Variants in KCNG4 observed in about 807,000 individuals in gnomAD.
The protein encoded by KCNG4 is potassium voltage-gated channel modifier subfamily G member 4, also known as voltage-gated potassium channel regulatory subunit KCNG4.
A neutral mutation model predicts 28.2 loss-of-function variants in KCNG4; 30 were observed. That is an observed-to-expected ratio of 1.06 (90% confidence interval 0.80 to 1.44). The LOEUF is 1.44. KCNG4 is among the 40% of genes most tolerant of loss of function. The probability of loss-of-function intolerance (pLI) is 0.00; values close to 1 mark genes in which losing one functional copy is unlikely to be tolerated. For synonymous variants in KCNG4, 375 were observed against 315.5 expected (o/e 1.19, Z -2.00); for missense variants, 879 against 712.3 (o/e 1.23, Z -2.66).
Position 84,237,203 on chromosome 16 carries a change from C to G in KCNG4, c.283G>C (p.Glu95Gln), listed in dbSNP as rs546709962. 24 of 1,614,146 alleles carry G rather than the reference C, an allele frequency of 1.5e-5. No individual in the cohort carries two copies. The African/African-American group carries it at 2.3e-4, about 15-fold the overall frequency. The change falls in exon 2 of 3, where the codon GAG becomes CAG. Residue 95 changes from glutamate to glutamine, a missense_variant. Coordinates refer to ENST00000308251, the MANE Select transcript of KCNG4 (RefSeq NM_172347.3). The part of the protein sequence containing the change: ...LSKLRLCRSY[E>Q]EIVQLCDDYD... ...TCATCGCAGAGCTGCACGATCTCCT[C>G]GTAGCTCCGACAGAGCCTGAGTTTG...
intron 2 of KCNG4, among the ~76,000 whole-genome samples, chr16:84,232,507 G>T (rs1473198976): frequency 4.6e-5 from 7 of 152,196 alleles, no homozygotes; most frequent in Admixed American, 4.6e-4. Flanking sequence ...CTAGACAGAG[G>T]TGATGGTGGC....
chr16:84,222,501 G>A lies in KCNG4; in HGVS notation c.1276C>T (p.Pro426Ser), dbSNP rs1904591602. The A allele has an allele frequency of 1.2e-6, 2 of 1,613,422 alleles. No individual in the cohort carries two copies. The highest frequency in any genetic ancestry group is 2.2e-5 in the South Asian group (2 of 91,060). ...ACCATCTGGCCTGGCACACTGCGGG[G>A]CACCATGTCCCCGTAGCCCACCGTT... The part of the protein sequence containing the change: ...MTTVGYGDMV[P>S]RSVPGQMVAL... Residue 426 changes from proline (P) to serine (S), a missense_variant, in exon 3 of 3, where the codon CCC becomes TCC. By Grantham distance (74) the Pro-to-Ser change is moderately conservative. Coordinates refer to ENST00000308251, the MANE Select transcript of KCNG4 (RefSeq NM_172347.3).
Position 84,222,323 on chromosome 16 carries a change from C to T in KCNG4, c.1454G>A (p.Ser485Asn). The change falls in exon 3 of 3, where the codon AGT becomes AAT. Residue 485 changes from serine (S) to asparagine (N), a missense_variant. Transcript: ENST00000308251. ...LRHLQNTGPASECELLDPHVA... is the reference protein window; with the variant it reads ...LRHLQNTGPANECELLDPHVA... ...ATGGGGGTCCAGGAGTTCACATTCA[C>T]TGGCTGGACCGGTGTTTTGGAGGTG... 1.9e-6 allele frequency: 3 copies of T among 1,614,154 alleles called. No homozygotes were observed. The highest frequency in any genetic ancestry group is 2.5e-6 in the Non-Finnish European group (3 of 1,180,016).
At chr16:84,227,929 G>A (rs1001354550) in intron 2 of KCNG4, among the ~76,000 whole-genome samples, 4 of 152,112 alleles carry the variant, frequency 2.6e-5, no homozygotes, top group Non-Finnish European at 5.9e-5. Context: ...GGAGGAGGAG[G>A]GTAGCAGTGA....
chr16:84,223,627 A>ATAACAT (rs1459772819), intron 2 of KCNG4, among the ~76,000 whole-genome samples: 2 of 152,196 alleles, frequency 1.3e-5, no homozygotes, highest in Non-Finnish European at 2.9e-5. Context: ...ATGAGCAGGC[A>ATAACAT]GTGTGACCCC....
chr16:84,227,230 G>A (rs1904718293), intron 2 of KCNG4, among the ~76,000 whole-genome samples: 1 of 152,198 alleles, frequency 6.6e-6, no homozygotes, highest in African/African-American at 2.4e-5. Context: ...CAACCCAGCT[G>A]TTCCACTCCT....
At chr16:84,235,214 C>T (rs1904918846) in intron 2 of KCNG4, among the ~76,000 whole-genome samples, 1 of 152,156 alleles carries the variant, frequency 6.6e-6, no homozygotes, top group Non-Finnish European at 1.5e-5. Context: ...GCCGTCTGCG[C>T]AACCGAAATC....
intron 2 of KCNG4, among the ~76,000 whole-genome samples, chr16:84,233,396 G>C (rs113403018): frequency 4.7e-4 from 72 of 152,274 alleles, no homozygotes; most frequent in African/African-American, 1.5e-3. Flanking sequence ...GACTAGAGGC[G>C]AAGTGGCCCA....
intron 2 of KCNG4, among the ~76,000 whole-genome samples, chr16:84,233,065 CTGAATGAA>C (rs149420585): frequency 1.3e-5 from 2 of 151,722 alleles, no homozygotes; most frequent in Admixed American, 1.3e-4. Flanking sequence ...TTAACTACTA[CTGAATGAA>C]TGAATGAATG....
chr16:84,221,352 T>C lies in KCNG4; in HGVS notation c.*865A>G, dbSNP rs979976299. 3.9e-5 allele frequency: 6 copies of C among 152,240 alleles called. No individual in the cohort carries two copies. Among genetic ancestry groups the C allele is most frequent in the African/African-American group, 1.4e-4 (6 of 41,452 alleles). 9.4% of individuals were successfully genotyped at this position (152,240 alleles called of 1,614,324 possible). A position where few individuals can be genotyped will look rare whatever the true frequency, so the allele number is the denominator to read the frequency against. ...GCAACCAGCAGCAGGAACGATCCTC[T>C]CAAGGGACAACATGGACCCTGAAAG... On this transcript the variant is annotated 3_prime_UTR_variant, in exon 3 of 3. Transcript: ENST00000308251.
At chr16:84,232,308 G>A (rs1322313798) in intron 2 of KCNG4, among the ~76,000 whole-genome samples, 3 of 152,226 alleles carry the variant, frequency 2.0e-5, no homozygotes, top group Non-Finnish European at 2.9e-5. Flanking sequence ...ACATGATGCT[G>A]GAGCAGGAAG....
In KCNG4 at chr16:84,222,374, TG is replaced by T; in HGVS notation, c.1402del (p.Gln468ArgfsTer34). On this transcript the variant is annotated frameshift_variant, in exon 3 of 3. Transcript: ENST00000308251. LOFTEE classifies it low-confidence loss of function (END_TRUNC). Reference sequence around the variant, plus strand: ...GCGGAGGCGGGCCTGAAGCTGCTCCTGCTCCTTCTTGAGCTCCAGGTAGGAG... The same window carrying T: ...GCGGAGGCGGGCCTGAAGCTGCTCCTCTCCTTCTTGAGCTCCAGGTAGGAG... Reference protein sequence around the residue: ...SHSYLELKKEQEQLQARLRHL... With the variant: ...SHSYLELKKEXEQLQARLRHL... The T allele has an allele frequency of 6.2e-7, 1 of 1,614,190 alleles. No individual in the cohort carries two copies. The highest frequency in any genetic ancestry group is 8.5e-7 in the Non-Finnish European group (1 of 1,180,020).
In KCNG4 at chr16:84,239,698, C is replaced by G. The variant is rs56407451; in HGVS notation, c.-69G>C. On this transcript the variant is annotated 5_prime_UTR_variant, in exon 1 of 3. Coordinates refer to ENST00000308251, the MANE Select transcript of KCNG4 (RefSeq NM_172347.3). ...CTTGTCTCAGGGAGCCAGTTTCCAG[C>G]TGTTTCTCTGCCAGGCAAGGGGAGC... 2,696 of 152,174 alleles carry G rather than the reference C, an allele frequency of 0.018. 44 individuals carry two copies. The highest frequency in any genetic ancestry group is 0.052 in the South Asian group (251 of 4,818). 9.4% of individuals were successfully genotyped at this position (152,174 alleles called of 1,614,324 possible).
chr16:84,233,987 C>T (rs1215878786), intron 2 of KCNG4, among the ~76,000 whole-genome samples: 1 of 152,128 alleles, frequency 6.6e-6, no homozygotes, highest in Non-Finnish European at 1.5e-5. Flanking sequence ...CCTATGCTGC[C>T]ACAGGGATGA....
Position 84,222,435 on chromosome 16 carries a change from A to G in KCNG4, c.1342T>C (p.Phe448Leu). Residue 448 changes from phenylalanine (F) to leucine (L), a missense_variant, in exon 3 of 3, where the codon TTC (phenylalanine) becomes CTC (leucine). Coordinates refer to ENST00000308251, the MANE Select transcript of KCNG4 (RefSeq NM_172347.3). ...GTGTGGAAGATAGACGTGGCCGGGA[A>G]GGCCATGATGAGGATCCCGCTCAGG... The part of the protein sequence containing the change: ...SILSGILIMA[F>L]PATSIFHTFS... The G allele has an allele frequency of 1.9e-6, 3 of 1,614,130 alleles. No homozygotes were observed. The highest frequency in any genetic ancestry group is 1.1e-5 in the South Asian group (1 of 91,082).
At chr16:84,235,005 A>G (rs1862835) in intron 2 of KCNG4, among the ~76,000 whole-genome samples, 18,699 of 152,080 alleles carry the variant, frequency 0.12, 1,338 homozygotes, top group East Asian at 0.27. Context: ...AAGCATAAAG[A>G]TATTGTGGCT....
intron 2 of KCNG4, among the ~76,000 whole-genome samples, chr16:84,225,209 C>G (rs923179843): frequency 1.3e-5 from 2 of 152,016 alleles, no homozygotes; most frequent in Non-Finnish European, 2.9e-5. Context: ...TCCAGCCCAC[C>G]GAGAGGTCTT....
intron 2 of KCNG4, among the ~76,000 whole-genome samples, chr16:84,229,145 C>G (rs1437719572): frequency 6.6e-6 from 1 of 152,022 alleles, no homozygotes; most frequent in East Asian, 1.9e-4. Flanking sequence ...ACTAAAAACA[C>G]AAAAATTAGC....
intron 2 of KCNG4, among the ~76,000 whole-genome samples, chr16:84,230,613 C>G (rs1055562249): frequency 3.3e-5 from 5 of 152,122 alleles, no homozygotes; most frequent in African/African-American, 1.2e-4. Context: ...GCCTTCCTTC[C>G]CCTGCCCTCC....
Sources: allele counts gnomAD v4.1 joint callset (sites outside exome capture counted in the v4.1 genomes callset), GRCh38; gene constraint gnomAD v4.1.1; transcripts MANE v1.5; gene names NCBI Gene and HGNC (gene_info 2026-07-23, HGNC 2026-07-21).